Variants in KCNN2 observed in about 807,000 individuals in gnomAD.
The protein encoded by KCNN2 is potassium calcium-activated channel subfamily N member 2, also known as small conductance calcium-activated potassium channel protein 2.
Under a neutral mutation model 55.5 loss-of-function variants are expected in KCNN2, and 24 were observed. The observed-to-expected ratio is 0.43, with a 90% confidence interval of 0.31 to 0.61. The LOEUF (loss-of-function observed/expected upper bound fraction) is 0.61. Among genes scored for constraint, KCNN2 ranks in the 20% least tolerant of loss-of-function variants. The pLI, the probability that KCNN2 is intolerant of heterozygous loss-of-function variation, is 0.08. For missense variants in KCNN2, 754 were observed against 853.6 expected (o/e 0.88, Z 1.45); for synonymous variants, 431 against 336.1 (o/e 1.28, Z -3.09).
At chr5:114,297,979 T>A (rs1756063983) in intron 2 of KCNN2, among the ~76,000 whole-genome samples, 1 of 152,068 alleles carries the variant, frequency 6.6e-6, no homozygotes, top group Non-Finnish European at 1.5e-5. Context: ...GAAAAATAAA[T>A]AAATATAAAA....
chr5:114,402,969 G>C (rs1278281078), intron 2 of KCNN2, among the ~76,000 whole-genome samples: 1 of 152,222 alleles, frequency 6.6e-6, no homozygotes, highest in Non-Finnish European at 1.5e-5. Flanking sequence ...CTGAAAAAAA[G>C]AGAGTAGAGT....
chr5:114,202,738 C>T (rs560261822), intron 1 of KCNN2, among the ~76,000 whole-genome samples: 47 of 151,684 alleles, frequency 3.1e-4, no homozygotes, highest in Non-Finnish European at 4.3e-4. Context: ...AGGCGCCTGC[C>T]ACCACGCCTG....
chr5:114,276,124 T>C (rs534155887), intron 2 of KCNN2, among the ~76,000 whole-genome samples: 1 of 152,222 alleles, frequency 6.6e-6, no homozygotes, highest in South Asian at 2.1e-4. Context: ...TCAGTTTCCA[T>C]GTAGTTGTGC....
At chr5:114,249,341 G>A (rs1754813042) in intron 2 of KCNN2, among the ~76,000 whole-genome samples, 1 of 150,460 alleles carries the variant, frequency 6.6e-6, no homozygotes, top group Non-Finnish European at 1.5e-5. Context: ...TGGGTGGAGT[G>A]CAGTTGTGTG....
chr5:114,322,057 T>C (rs893842286), intron 2 of KCNN2, among the ~76,000 whole-genome samples: 1 of 152,232 alleles, frequency 6.6e-6, no homozygotes, highest in African/African-American at 2.4e-5. Context: ...TCAATAACAT[T>C]CTAAGACAAC....
intron 3 of KCNN2, among the ~76,000 whole-genome samples, chr5:114,408,248 C>T (rs1307281409): frequency 2.0e-5 from 3 of 149,400 alleles, no homozygotes; most frequent in Non-Finnish European, 4.4e-5. Context: ...TCTTGTTGTC[C>T]TTATGGGTTT....
chr5:114,316,726 A>T (rs1032524301), intron 2 of KCNN2, among the ~76,000 whole-genome samples: 8 of 152,224 alleles, frequency 5.3e-5, no homozygotes, highest in Non-Finnish European at 1.0e-4. Flanking sequence ...CTAAATCATT[A>T]ATACATATCG....
intron 3 of KCNN2, among the ~76,000 whole-genome samples, chr5:114,452,269 T>C (rs1760727190): frequency 6.6e-6 from 1 of 152,236 alleles, no homozygotes; most frequent in African/African-American, 2.4e-5. Context: ...TACTGGATTT[T>C]ACATTTTATT....
chr5:114,342,448 T>TATTGG (rs11281774), intron 2 of KCNN2, among the ~76,000 whole-genome samples: 11,746 of 152,076 alleles, frequency 0.077, 590 homozygotes, highest in African/African-American at 0.15. Context: ...GGTGTGTGCG[T>TATTGG]ATTGGAGGTA....
At chr5:114,208,943 C>T (rs1326106880) in intron 1 of KCNN2, among the ~76,000 whole-genome samples, 5 of 152,210 alleles carry the variant, frequency 3.3e-5, no homozygotes, top group Non-Finnish European at 7.3e-5. Flanking sequence ...GTTTTGAAAA[C>T]TGGCTTCTAC....
intron 2 of KCNN2, among the ~76,000 whole-genome samples, chr5:114,374,753 C>T (rs1411643644): frequency 6.6e-6 from 1 of 152,126 alleles, no homozygotes; most frequent in Non-Finnish European, 1.5e-5. Context: ...TGGGATTATA[C>T]ATTGTAAACT....
chr5:114,425,570 T>G (rs1021067128), intron 3 of KCNN2, among the ~76,000 whole-genome samples: 3 of 152,166 alleles, frequency 2.0e-5, no homozygotes, highest in African/African-American at 7.2e-5. Context: ...TTAAATCAAA[T>G]GCTCCACCTG....
chr5:114,172,405 A>T (rs2112544196), intron 1 of KCNN2, among the ~76,000 whole-genome samples: 1 of 151,608 alleles, frequency 6.6e-6, no homozygotes, highest in African/African-American at 2.4e-5. Context: ...CTCATCCCTC[A>T]CCAACTTACC....
chr5:114,175,221 T>C (rs1753111584), intron 1 of KCNN2, among the ~76,000 whole-genome samples: 1 of 152,176 alleles, frequency 6.6e-6, no homozygotes, highest in East Asian at 1.9e-4. Context: ...TTAGATTTGG[T>C]ATTATTCTCA....
intron 1 of KCNN2, among the ~76,000 whole-genome samples, chr5:114,114,616 C>T (rs1751675995): frequency 6.6e-6 from 1 of 152,066 alleles, no homozygotes; most frequent in Non-Finnish European, 1.5e-5. Context: ...TGGCTCCTCT[C>T]ATGGACTATG....
chr5:114,180,561 A>G lies in KCNN2; in HGVS notation c.-270-40919A>G, dbSNP rs1189082317. Among the ~76,000 whole-genome samples, 7 of 152,178 alleles carry G rather than the reference A, an allele frequency of 4.6e-5. No homozygotes were observed. In the South Asian group the frequency reaches 6.2e-4, roughly 13 times the overall value. On this transcript the variant is annotated intron_variant, in intron 1 of 10. Transcript: ENST00000512097. ...AATAAAAGCCATTCTATGCAAAAAT[A>G]CTTTTTATTATCTATTATTATATTA... is the stretch of plus-strand genomic sequence containing the variant.
At chr5:114,348,022 A>C (rs983959018) in intron 2 of KCNN2, among the ~76,000 whole-genome samples, 6 of 152,150 alleles carry the variant, frequency 3.9e-5, no homozygotes, top group Admixed American at 1.3e-4. Context: ...CTGCCCATGT[A>C]TGTCTTCTTG....
chr5:114,165,289 C>A (rs1752885735), intron 1 of KCNN2, among the ~76,000 whole-genome samples: 1 of 152,172 alleles, frequency 6.6e-6, no homozygotes. Flanking sequence ...TCCTCTTCCT[C>A]TACCTCTTCA....
intron 2 of KCNN2, among the ~76,000 whole-genome samples, chr5:114,389,233 C>A (rs995224588): frequency 6.6e-6 from 1 of 152,086 alleles, no homozygotes; most frequent in African/African-American, 2.4e-5. Flanking sequence ...TTCTCCTTTG[C>A]TGAAAACAAG....
Sources: allele counts gnomAD v4.1 joint callset (sites outside exome capture counted in the v4.1 genomes callset), GRCh38; gene constraint gnomAD v4.1.1; transcripts MANE v1.5; gene names NCBI Gene and HGNC (gene_info 2026-07-23, HGNC 2026-07-21).